NADSYN1: variants seen among roughly 807,000 people sequenced by gnomAD.
The protein encoded by NADSYN1 is glutamine-dependent NAD(+) synthetase.
In NADSYN1, 80 loss-of-function variants were observed where a neutral mutation model predicts 99.3. The ratio of observed to expected loss-of-function variants is 0.81; its 90% CI spans 0.67 to 0.97. NADSYN1 has a LOEUF of 0.97. Among genes scored for constraint, NADSYN1 ranks in the 50% least tolerant of loss-of-function variants. The probability of loss-of-function intolerance (pLI) is 0.00; values close to 1 mark genes in which losing one functional copy is unlikely to be tolerated. For missense variants in NADSYN1, 859 were observed against 948.5 expected (o/e 0.91, Z 1.24); for synonymous variants, 385 against 372.1 (o/e 1.03, Z -0.40).
Position 71,485,569 on chromosome 11 carries a change from C to G in NADSYN1, c.1483C>G (p.Leu495Val), listed in dbSNP as rs759160407. Residue 495 changes from leucine to valine, a missense_variant, in exon 16 of 21, where the codon CTG becomes GTG. Coordinates refer to ENST00000319023, the MANE Select transcript of NADSYN1 (RefSeq NM_018161.5). ...QARIRMVLAY[L>V]FAQLSLWSRG... ...TCGAATACGGATGGTCCTCGCCTAT[C>G]TGTTTGCTCAGTTGAGCCTCTGGTC... 20 of 1,561,818 alleles carry G rather than the reference C, an allele frequency of 1.3e-5. No homozygotes were observed. Among genetic ancestry groups the G allele is most frequent in the Non-Finnish European group, 1.6e-5 (19 of 1,152,328 alleles).
intron 9 of NADSYN1, 29 bp from the exon 10 acceptor site, chr11:71,478,366 C>G: frequency 6.4e-7 from 1 of 1,554,682 alleles, no homozygotes; most frequent in Non-Finnish European, 8.8e-7. Flanking sequence ...CGGGAAATCA[C>G]GGGTTCTCTT....
At chr11:71,501,098 C>CAGG (rs1949854377) in intron 20 of NADSYN1, among the ~76,000 whole-genome samples, 1 of 152,258 alleles carries the variant, frequency 6.6e-6, no homozygotes, top group Non-Finnish European at 1.5e-5. Context: ...GGAGACGCTG[C>CAGG]TGTCATCTGC....
chr11:71,455,969 A>G (rs75132494), intron 2 of NADSYN1, among the ~76,000 whole-genome samples: 496 of 152,370 alleles, frequency 3.3e-3, no homozygotes, highest in South Asian at 7.0e-3. Flanking sequence ...ATGAGTAGCC[A>G]CGTTGTAAGT....
At chr11:71,498,294 C>T (rs1028586297) in intron 19 of NADSYN1, 58 bp from the exon 20 acceptor site, 27 of 1,587,848 alleles carry the variant, frequency 1.7e-5, no homozygotes, top group Admixed American at 1.0e-4. Flanking sequence ...ATGGGAATTC[C>T]GGCCTGGGGT....
At chr11:71,468,753 C>T (rs907676721) in intron 5 of NADSYN1, among the ~76,000 whole-genome samples, 4 of 152,168 alleles carry the variant, frequency 2.6e-5, no homozygotes, top group African/African-American at 9.7e-5. Context: ...AGGCTGAAAC[C>T]ATATTGTAAT....
At chr11:71,459,506 T>A (rs1565595681) in intron 3 of NADSYN1, among the ~76,000 whole-genome samples, 1 of 151,882 alleles carries the variant, frequency 6.6e-6, no homozygotes, top group South Asian at 2.1e-4. Flanking sequence ...GAGCCCTGCT[T>A]TGAATAGCCG....
intron 9 of NADSYN1, chr11:71,476,172 G>A (rs894397294): frequency 3.8e-5 from 17 of 453,172 alleles, no homozygotes; most frequent in South Asian, 1.1e-4. Context: ...GACCACACGC[G>A]GGTCCACAGC....
In NADSYN1 at chr11:71,453,318, G is replaced by A. The variant is rs148242268; in HGVS notation, c.22G>A (p.Ala8Thr). 2.0e-4 allele frequency: 328 copies of A among 1,613,780 alleles called. 5 individuals are homozygous for A. In the African/African-American group the frequency reaches 3.8e-3, roughly 19 times the overall value. The stretch of plus-strand genomic sequence containing the variant: ...CAGGATGGGCCGGAAGGTGACCGTG[G>A]CCACCTGCGCACTCAACCAGTGGGC... MGRKVTV[A>T]TCALNQWALD... The change falls in exon 1 of 21, where the codon GCC (alanine) becomes ACC (threonine). Residue 8 changes from alanine to threonine, a missense_variant. By Grantham distance (58) the Ala-to-Thr change is moderately conservative. Coordinates refer to ENST00000319023, the MANE Select transcript of NADSYN1 (RefSeq NM_018161.5).
In NADSYN1 at chr11:71,464,156, C is replaced by T; in HGVS notation, c.407+14C>T. 1 of 1,590,320 alleles carries T rather than the reference C, an allele frequency of 6.3e-7. No individual in the cohort carries two copies. The highest frequency in any genetic ancestry group is 1.1e-5 in the South Asian group (1 of 88,216). On this transcript the variant is annotated intron_variant, in intron 5 of 20. Transcript: ENST00000319023. ...GTCGAGGAGTCGGTGAGTCGGGTGC[C>T]TGACCACTCCTGGGATGTGCGTTAA...
intron 5 of NADSYN1, among the ~76,000 whole-genome samples, chr11:71,468,806 CA>C (rs1380101007): frequency 1.3e-5 from 2 of 152,176 alleles, no homozygotes; most frequent in Non-Finnish European, 2.9e-5. Flanking sequence ...TAAAACCAAC[CA>C]AAAGCCAGGT....
intron 16 of NADSYN1, 108 bp downstream of exon 16, chr11:71,485,756 G>C: frequency 3.7e-6 from 3 of 821,092 alleles, no homozygotes; most frequent in Non-Finnish European, 5.5e-6. Context: ...GGCGGGTTTG[G>C]TGCCTGGAAT....
intron 3 of NADSYN1, among the ~76,000 whole-genome samples, chr11:71,461,990 T>C (rs892877953): frequency 6.6e-6 from 1 of 152,236 alleles, no homozygotes; most frequent in Non-Finnish European, 1.5e-5. Context: ...TGCCCCTGCA[T>C]GCATCTTGCC....
chr11:71,473,200 G>A, intron 6 of NADSYN1, 78 bp from the exon 7 acceptor site: 1 of 1,338,364 alleles, frequency 7.5e-7, no homozygotes, highest in Non-Finnish European at 1.1e-6. Flanking sequence ...GCTGCAGGAT[G>A]TCCGTGGCCC....
intron 5 of NADSYN1, chr11:71,466,619 T>C (rs1652419661): frequency 6.6e-6 from 1 of 152,248 alleles, no homozygotes. Context: ...TGGAGAGATG[T>C]CTGTTGCTGC....
At chr11:71,485,367 C>T in intron 15 of NADSYN1, 175 bp from the exon 16 acceptor site, 4 of 498,316 alleles carry the variant, frequency 8.0e-6, no homozygotes, top group Non-Finnish European at 1.4e-5. Flanking sequence ...GGAGGTGGGA[C>T]CACCCCGAGA....
chr11:71,490,016 T>C (rs141670178), intron 16 of NADSYN1, among the ~76,000 whole-genome samples: 2 of 152,234 alleles, frequency 1.3e-5, no homozygotes, highest in South Asian at 2.1e-4. Flanking sequence ...ATCACAAAGT[T>C]TGTGCCTTCA....
intron 9 of NADSYN1, chr11:71,476,298 C>T (rs1949665146): frequency 1.1e-5 from 4 of 356,006 alleles, no homozygotes; most frequent in South Asian, 4.2e-5. Flanking sequence ...GCGGTAGCAC[C>T]GGAGGCGAGT....
intron 18 of NADSYN1, among the ~76,000 whole-genome samples, chr11:71,493,456 C>T (rs188650285): frequency 1.4e-4 from 21 of 152,250 alleles, no homozygotes; most frequent in African/African-American, 5.1e-4. Flanking sequence ...TTCCGATTTA[C>T]AAGGACATGC....
intron 11 of NADSYN1, 37 bp from the exon 12 acceptor site, chr11:71,481,319 C>G: frequency 1.2e-6 from 2 of 1,611,584 alleles, no homozygotes; most frequent in Non-Finnish European, 1.7e-6. Context: ...GGGCAGGGGC[C>G]ACCGCCTCCG....
Sources: allele counts gnomAD v4.1 joint callset (sites outside exome capture counted in the v4.1 genomes callset), GRCh38; gene constraint gnomAD v4.1.1; transcripts MANE v1.5; gene names NCBI Gene and HGNC (gene_info 2026-07-23, HGNC 2026-07-21).